The following SATB1 variants were observed in gnomAD, a reference collection of about 807,000 sequenced individuals.
The protein encoded by SATB1 is SATB homeobox 1.
A neutral mutation model predicts 86.9 loss-of-function variants in SATB1; 11 were observed. The observed-to-expected ratio is 0.13, with a 90% CI of 0.08 to 0.21. The LOEUF (loss-of-function observed/expected upper bound fraction) is 0.21, where lower values mean the gene tolerates loss of function less well. Among genes scored for constraint, SATB1 ranks in the 10% least tolerant of loss-of-function variants. The pLI is 1.00. For synonymous variants in SATB1, 357 were observed against 357.2 expected (o/e 1.00, Z 0.01); for missense variants, 551 against 937.6 (o/e 0.59, Z 5.39).
intron 2 of SATB1, among the ~76,000 whole-genome samples, chr3:18,435,527 T>G (rs1450968103): frequency 1.3e-5 from 2 of 152,158 alleles, no homozygotes; most frequent in Non-Finnish European, 2.9e-5. Context: ...ACACCACTGA[T>G]GTAGCCTCCC....
intron 7 of SATB1, among the ~76,000 whole-genome samples, chr3:18,387,765 A>G (rs990104254): frequency 7.9e-5 from 12 of 152,182 alleles, no homozygotes; most frequent in African/African-American, 2.9e-4. Context: ...ACTTTCCAAT[A>G]TCCTGCAGAA....
At chr3:18,418,507 G>A (rs894224574) in intron 2 of SATB1, among the ~76,000 whole-genome samples, 2 of 152,244 alleles carry the variant, frequency 1.3e-5, no homozygotes, top group Non-Finnish European at 2.9e-5. Flanking sequence ...AAAACAAGCC[G>A]CAGAGCTTGC....
chr3:18,414,762 G>T (rs928369377), intron 5 of SATB1, among the ~76,000 whole-genome samples: 1 of 152,052 alleles, frequency 6.6e-6, no homozygotes, highest in Non-Finnish European at 1.5e-5. Flanking sequence ...AGCTTCGTGG[G>T]AGTAGTACCA....
chr3:18,377,945 G>T (rs929507531), intron 9 of SATB1, among the ~76,000 whole-genome samples: 4 of 152,108 alleles, frequency 2.6e-5, no homozygotes, highest in African/African-American at 9.7e-5. Context: ...CTGACTTGGG[G>T]ATTTACCATA....
chr3:18,357,294 T>G (rs1372651319), intron 9 of SATB1, among the ~76,000 whole-genome samples: 1 of 151,816 alleles, frequency 6.6e-6, no homozygotes, highest in Non-Finnish European at 1.5e-5. Context: ...TGAATTACAT[T>G]TCAGCAAGTA....
intron 5 of SATB1, among the ~76,000 whole-genome samples, chr3:18,406,324 G>A (rs1432817263): frequency 6.6e-6 from 1 of 151,942 alleles, no homozygotes; most frequent in East Asian, 1.9e-4. Context: ...AACATGGGGT[G>A]ATACTGTTAA....
chr3:18,427,156 A>T (rs1698732873), upstream of SATB1, among the ~76,000 whole-genome samples: 1 of 152,206 alleles, frequency 6.6e-6, no homozygotes, highest in Admixed American at 6.5e-5. Flanking sequence ...TAAAAGTTAA[A>T]ATGTGGGGAA....
intron 9 of SATB1, among the ~76,000 whole-genome samples, chr3:18,370,515 CAAAAA>C (rs11391230): frequency 1.0e-4 from 5 of 49,438 alleles, no homozygotes; most frequent in Middle Eastern, 0.011. Flanking sequence ...CTGAGAGAGG[CAAAAA>C]AAAAAAAAAA....
intron 9 of SATB1, among the ~76,000 whole-genome samples, chr3:18,364,825 T>C (rs1432555796): frequency 1.3e-5 from 2 of 152,072 alleles, no homozygotes; most frequent in Non-Finnish European, 2.9e-5. Context: ...TTAGTATTTA[T>C]GGATTTGTGA....
intron 9 of SATB1, among the ~76,000 whole-genome samples, chr3:18,361,838 G>C (rs1407603637): frequency 6.6e-6 from 1 of 152,080 alleles, no homozygotes; most frequent in African/African-American, 2.4e-5. Context: ...ATGAATAAAT[G>C]CAAGACATAC....
intron 9 of SATB1, among the ~76,000 whole-genome samples, chr3:18,363,084 T>A (rs997235515): frequency 6.6e-6 from 1 of 152,150 alleles, no homozygotes; most frequent in Non-Finnish European, 1.5e-5. Flanking sequence ...ACACTCCCTA[T>A]TATGCATATT....
intron 9 of SATB1, among the ~76,000 whole-genome samples, chr3:18,365,227 C>T (rs1015391437): frequency 1.3e-5 from 2 of 152,110 alleles, no homozygotes; most frequent in Non-Finnish European, 2.9e-5. Flanking sequence ...CTGAATAAAG[C>T]ATCTAAATTG....
chr3:18,402,715 A>C (rs938713013), intron 5 of SATB1, among the ~76,000 whole-genome samples: 2 of 152,120 alleles, frequency 1.3e-5, no homozygotes, highest in Admixed American at 6.6e-5. Context: ...AACAAAAAAA[A>C]CAGGACTGTG....
At chr3:18,391,665 C>T (rs1489130288) in intron 7 of SATB1, among the ~76,000 whole-genome samples, 2 of 151,750 alleles carry the variant, frequency 1.3e-5, no homozygotes, top group East Asian at 3.9e-4. Context: ...GGAGTTGGAA[C>T]TGCACATTGT....
chr3:18,436,632 C>T (rs73040352), intron 2 of SATB1, among the ~76,000 whole-genome samples: 142 of 151,992 alleles, frequency 9.3e-4, no homozygotes, highest in Non-Finnish European at 1.6e-3. Flanking sequence ...AAATCTTTAT[C>T]GGCACAAGCT....
chr3:18,398,930 C>T (rs1275325196), intron 5 of SATB1, among the ~76,000 whole-genome samples: 1 of 152,170 alleles, frequency 6.6e-6, no homozygotes, highest in South Asian at 2.1e-4. Flanking sequence ...TTCAATCTCA[C>T]TTACTCTCTT....
At chr3:18,420,634 G>A (rs977803749) in intron 2 of SATB1, 123 bp downstream of exon 2, 5 of 760,588 alleles carry the variant, frequency 6.6e-6, no homozygotes, top group East Asian at 2.5e-5. Flanking sequence ...ACTAATGTAC[G>A]ATCATAAGGA....
In SATB1 at chr3:18,400,159, G is replaced by C. The variant is rs575630518; in HGVS notation, c.640-2869C>G. ...AGTCATGATTGGTAAAATTTTCCTA[G>C]GTGGTGGGATGTACAGATAGTAGGC... On this transcript the variant is annotated intron_variant, in intron 5 of 10. Coordinates refer to ENST00000338745, the MANE Select transcript of SATB1 (RefSeq NM_002971.6). Among the ~76,000 whole-genome samples, 5 of 152,258 alleles carry C rather than the reference G, an allele frequency of 3.3e-5. No individual in the cohort carries two copies. The South Asian group carries it at 1.0e-3, about 32-fold the overall frequency.
Position 18,386,482 on chromosome 3 carries a change from C to G in SATB1, c.1336G>C (p.Asp446His). The G allele has an allele frequency of 6.2e-7, 1 of 1,614,140 alleles. No homozygotes were observed. Among genetic ancestry groups the G allele is most frequent in the Admixed American group, 1.7e-5 (1 of 60,016 alleles). The change falls in exon 8 of 11, where the codon GAC becomes CAC. Residue 446 changes from aspartate (D) to histidine (H), a missense_variant. Coordinates refer to ENST00000338745, the MANE Select transcript of SATB1 (RefSeq NM_002971.6). The surrounding 1 kb of genome is among the most constrained non-coding windows in gnomAD (Gnocchi z 4.5). Reference protein sequence around the residue: ...PEAERDRIYQDERERSLNAAS... With the variant: ...PEAERDRIYQHERERSLNAAS... ...GCATTCAAGCTCCTTTCCCTTTCGTCCTGGTATATTCGGTCTCTTTCAGCT... is the reference window on the plus strand; with the variant it reads ...GCATTCAAGCTCCTTTCCCTTTCGTGCTGGTATATTCGGTCTCTTTCAGCT...
Sources: gnomAD v4.1 joint callset for allele counts (sites outside exome capture counted in the v4.1 genomes callset) on GRCh38, gnomAD v4.1.1 for gene constraint, Gnocchi (gnomAD v3.1) non-coding constraint, MANE v1.5 for transcripts, NCBI Gene and HGNC (gene_info 2026-07-23, HGNC 2026-07-21) for gene names.